TRAK1: variants seen among roughly 807,000 people sequenced by gnomAD.
TRAK1 encodes trafficking kinesin protein 1, also known as trafficking kinesin-binding protein 1.
Under a neutral mutation model 92.1 loss-of-function variants are expected in TRAK1, and 33 were observed. The observed-to-expected ratio is 0.36, with a 90% confidence interval of 0.27 to 0.48. TRAK1 has a LOEUF of 0.48. TRAK1 is among the 20% of genes least tolerant of loss of function. The probability of loss-of-function intolerance (pLI) is 0.99; values close to 1 mark genes in which losing one functional copy is unlikely to be tolerated. For missense variants in TRAK1, 1,123 were observed against 1,257.9 expected (o/e 0.89, Z 1.62); for synonymous variants, 521 against 517.3 (o/e 1.01, Z -0.10).
At chr3:42,044,020 G>A (rs1702662230) in intron 1 of TRAK1, among the ~76,000 whole-genome samples, 1 of 152,180 alleles carries the variant, frequency 6.6e-6, no homozygotes. Context: ...CCTGGGCCTG[G>A]GCAGAAGCCC....
rs78704759 is a variant in TRAK1 at position 42,038,193 on chromosome 3, C to T, written c.-519+24076C>T. Reference sequence around the variant, plus strand: ...GGAAAGGGAGGCAGTGGGTCAGAGACGTCCCAGAAGTTTACAGCATGGTGG... The same window carrying T: ...GGAAAGGGAGGCAGTGGGTCAGAGATGTCCCAGAAGTTTACAGCATGGTGG... On this transcript the variant is annotated intron_variant, in intron 1 of 16. Transcript: ENST00000487159. Among the ~76,000 whole-genome samples, 1,064 of 152,290 alleles carry T rather than the reference C, an allele frequency of 7.0e-3. 55 individuals are homozygous for T. In the East Asian group the frequency reaches 0.14, roughly 20 times the overall value.
intron 1 of TRAK1, among the ~76,000 whole-genome samples, chr3:42,048,251 G>A (rs964787096): frequency 2.0e-5 from 3 of 151,990 alleles, no homozygotes; most frequent in Non-Finnish European, 4.4e-5. Flanking sequence ...AGTTTACCAC[G>A]GGTCTGAAAT....
At chr3:42,196,303 C>T (rs1706612613) in intron 10 of TRAK1, among the ~76,000 whole-genome samples, 1 of 152,198 alleles carries the variant, frequency 6.6e-6, no homozygotes, top group African/African-American at 2.4e-5. Context: ...CTGAATAAAA[C>T]AGTGAGTAGC....
At chr3:42,024,548 C>T (rs1287873909) in intron 1 of TRAK1, among the ~76,000 whole-genome samples, 1 of 152,138 alleles carries the variant, frequency 6.6e-6, no homozygotes, top group Non-Finnish European at 1.5e-5. Flanking sequence ...AGAACACTGT[C>T]AAGGGTTACA....
intron 1 of TRAK1, among the ~76,000 whole-genome samples, chr3:42,124,708 G>A (rs966607054): frequency 3.9e-5 from 6 of 152,212 alleles, no homozygotes; most frequent in African/African-American, 1.4e-4. Context: ...CTTAATAAGT[G>A]TAGTAACTGA....
At chr3:42,209,746 C>G in intron 13 of TRAK1, 21 bp from the exon 14 acceptor site, 1 of 1,608,468 alleles carries the variant, frequency 6.2e-7, no homozygotes, top group Non-Finnish European at 8.5e-7. Context: ...CCCCCTTCTT[C>G]CCTTCCCTTT....
intron 14 of TRAK1, chr3:42,217,367 TCTTC>T (rs955841316): frequency 1.0e-6 from 1 of 985,444 alleles, no homozygotes; most frequent in Non-Finnish European, 1.2e-6. Flanking sequence ...AACTTGTTGA[TCTTC>T]CTTGGTCTTC....
chr3:42,171,582 G>C (rs1330589765), intron 2 of TRAK1, among the ~76,000 whole-genome samples: 2 of 152,104 alleles, frequency 1.3e-5, no homozygotes, highest in African/African-American at 2.4e-5. Context: ...TAGATCTTTT[G>C]CTCCAGCCCC....
chr3:42,209,944 G>A lies in TRAK1; in HGVS notation c.1922G>A (p.Arg641His), dbSNP rs139555217. The change falls in exon 14 of 16, where the codon CGC becomes CAC. Residue 641 changes from arginine (R) to histidine (H), a missense_variant. This residue lies in a region of TRAK1 where 401 missense variants were observed against 438.9 expected (regional missense o/e 0.91). Coordinates refer to ENST00000327628, the MANE Select transcript of TRAK1 (RefSeq NM_001042646.3). ...ACAGGTGACCACATTTCTCTCCCAC[G>A]CCTAGCTACCTCCACTCCAGTTCAG... ...DDTGDHISLP[R>H]LATSTPVQHP... is the part of the protein sequence containing the mutation. The A allele has an allele frequency of 5.4e-5, 87 of 1,614,018 alleles. No individual in the cohort carries two copies. The highest frequency in any genetic ancestry group is 6.5e-5 in the Non-Finnish European group (77 of 1,180,038).
intron 2 of TRAK1, chr3:42,160,424 G>C (rs1317902210): frequency 6.2e-7 from 1 of 1,614,236 alleles, no homozygotes; most frequent in African/African-American, 1.3e-5. Flanking sequence ...AGGATGAAGA[G>C]AGGAAGCCAA....
At chr3:42,150,071 C>T (rs555681788) in intron 2 of TRAK1, among the ~76,000 whole-genome samples, 11 of 152,106 alleles carry the variant, frequency 7.2e-5, no homozygotes, top group Admixed American at 5.2e-4. Context: ...TGAGCCCAGA[C>T]CTGGGAACCA....
At chr3:42,082,999 G>A (rs370543779), upstream of TRAK1, among the ~76,000 whole-genome samples, 1 of 150,868 alleles carries the variant, frequency 6.6e-6, no homozygotes, top group Non-Finnish European at 1.5e-5. Flanking sequence ...GTTGTGGCTT[G>A]TTAGGTTGTA....
chr3:42,128,180 AAAAC>A lies in TRAK1; in HGVS notation c.286+2583_286+2586del, dbSNP rs556721796. Reference sequence around the variant, plus strand: ...GGCAACAAGAGCGAAACTCCATCTCAAAACAAACAAACAAACAAACGAAAAAACA... The same window carrying A: ...GGCAACAAGAGCGAAACTCCATCTCAAAACAAACAAACAAACGAAAAAACA... On this transcript the variant is annotated intron_variant, in intron 2 of 15. Coordinates refer to ENST00000327628, the MANE Select transcript of TRAK1 (RefSeq NM_001042646.3). Among the ~76,000 whole-genome samples, 233 of 152,346 alleles carry A rather than the reference AAAAC, an allele frequency of 1.5e-3. 2 individuals are homozygous for A. Among genetic ancestry groups the A allele is most frequent in the African/African-American group, 3.8e-3 (160 of 41,578 alleles).
chr3:42,072,379 C>T (rs936986435), intron 1 of TRAK1, among the ~76,000 whole-genome samples: 13 of 152,028 alleles, frequency 8.6e-5, no homozygotes, highest in South Asian at 2.1e-4. Flanking sequence ...AAGCTCTGCT[C>T]GTAAAGGTTC....
chr3:42,025,181 T>C (rs1472127540), intron 1 of TRAK1, among the ~76,000 whole-genome samples: 2 of 152,294 alleles, frequency 1.3e-5, no homozygotes, highest in African/African-American at 4.8e-5. Context: ...GGTTTCCTCC[T>C]AGCAATATGC....
chr3:42,215,044 C>G (rs1709509145), intron 14 of TRAK1, among the ~76,000 whole-genome samples: 1 of 152,216 alleles, frequency 6.6e-6, no homozygotes, highest in Non-Finnish European at 1.5e-5. Context: ...ACATGAATCC[C>G]TAACATAGTA....
chr3:42,052,550 C>T (rs1238215383), intron 1 of TRAK1, among the ~76,000 whole-genome samples: 1 of 152,126 alleles, frequency 6.6e-6, no homozygotes, highest in African/African-American at 2.4e-5. Flanking sequence ...CAGATTCAGC[C>T]TCTGATTTAG....
chr3:42,204,625 C>T (rs151224508), intron 13 of TRAK1, among the ~76,000 whole-genome samples: 50 of 152,290 alleles, frequency 3.3e-4, no homozygotes, highest in Non-Finnish European at 6.2e-4. Context: ...CGCTGTGTCA[C>T]CCAGGCTGCA....
chr3:42,162,322 G>T (rs1454191393), intron 2 of TRAK1, among the ~76,000 whole-genome samples: 8 of 151,252 alleles, frequency 5.3e-5, no homozygotes, highest in Non-Finnish European at 1.2e-4. Context: ...AATATATGAC[G>T]AGAGAGAGAC....
Sources: allele counts gnomAD v4.1 joint callset (sites outside exome capture counted in the v4.1 genomes callset), GRCh38; gene constraint gnomAD v4.1.1; regional missense constraint gnomAD v4.1.1; transcripts MANE v1.5; gene names NCBI Gene and HGNC (gene_info 2026-07-23, HGNC 2026-07-21).